The following SH3BGR variants were observed in gnomAD, a reference collection of about 807,000 sequenced individuals.
SH3BGR encodes the protein SH3 domain binding glutamate rich protein, also known as SH3 domain-binding glutamic acid-rich protein.
SH3BGR carries 29 observed loss-of-function variants against 24.5 expected under a neutral mutation model. The observed-to-expected ratio is 1.18, with a 90% CI of 0.88 to 1.61. The LOEUF (loss-of-function observed/expected upper bound fraction) is 1.61, where lower values mean the gene tolerates loss of function less well. Ranked by LOEUF, SH3BGR falls within the 40% of genes most tolerant of loss-of-function variation. The pLI is 0.00. For synonymous variants in SH3BGR, 55 were observed against 65.7 expected, an observed-to-expected ratio of 0.84 and a Z score of 0.79; for missense variants, 162 against 205.8, an observed-to-expected ratio of 0.79 and a Z score of 1.30.
intron 3 of SH3BGR, among the ~76,000 whole-genome samples, chr21:39,475,595 C>T (rs1276360116): frequency 6.6e-6 from 1 of 152,108 alleles, no homozygotes; most frequent in African/African-American, 2.4e-5. Context: ...GAGTTAATTT[C>T]ATAATGATAT....
At chr21:39,446,244 A>G (rs568217138) in intron 1 of SH3BGR, 2 of 152,198 alleles carry the variant, frequency 1.3e-5, no homozygotes, top group African/African-American at 2.4e-5. Context: ...AGAAATGTAC[A>G]GGCAAGTCCA....
chr21:39,478,385 G>A (rs977679001), intron 3 of SH3BGR, among the ~76,000 whole-genome samples: 20 of 152,152 alleles, frequency 1.3e-4, no homozygotes, highest in African/African-American at 4.8e-4. Flanking sequence ...CTGAGATCAC[G>A]TCTGATGCCA....
chr21:39,498,449 T>C (rs181178223), intron 3 of SH3BGR, among the ~76,000 whole-genome samples: 19 of 152,340 alleles, frequency 1.2e-4, no homozygotes, highest in African/African-American at 4.6e-4. Context: ...ATTTTCTGCC[T>C]TTATTTTCCT....
At chr21:39,475,260 A>G in intron 3 of SH3BGR, 45 bp downstream of exon 3, 2 of 1,174,276 alleles carry the variant, frequency 1.7e-6, no homozygotes, top group Non-Finnish European at 2.6e-6. Flanking sequence ...AGGTAATACT[A>G]AATGAAGGTA....
At chr21:39,487,620 A>G (rs570365073) in intron 3 of SH3BGR, among the ~76,000 whole-genome samples, 1 of 152,332 alleles carries the variant, frequency 6.6e-6, no homozygotes, top group East Asian at 1.9e-4. Context: ...AAATCCCTCT[A>G]TTAGAGTCAT....
chr21:39,487,712 A>G (rs2078233678), intron 3 of SH3BGR, among the ~76,000 whole-genome samples: 1 of 152,224 alleles, frequency 6.6e-6, no homozygotes, highest in Non-Finnish European at 1.5e-5. Context: ...ATATATCTGG[A>G]TCATGTAACT....
chr21:39,449,123 A>G (rs1343528920), upstream of SH3BGR, among the ~76,000 whole-genome samples: 3 of 152,342 alleles, frequency 2.0e-5, no homozygotes, highest in Admixed American at 1.3e-4. Flanking sequence ...CATGGAATGT[A>G]TGATACATAT....
chr21:39,482,938 G>A (rs1157647449), intron 3 of SH3BGR, among the ~76,000 whole-genome samples: 1 of 152,142 alleles, frequency 6.6e-6, no homozygotes, highest in African/African-American at 2.4e-5. Context: ...CCAAAGTGCT[G>A]GATTACAGGC....
chr21:39,476,227 C>A (rs1383390820), intron 3 of SH3BGR, among the ~76,000 whole-genome samples: 2 of 152,018 alleles, frequency 1.3e-5, no homozygotes, highest in African/African-American at 4.8e-5. Flanking sequence ...CGTGTGGCGT[C>A]ATGGAAGCCC....
chr21:39,506,932 G>A (rs1227161270), intron 4 of SH3BGR, among the ~76,000 whole-genome samples: 1 of 152,194 alleles, frequency 6.6e-6, no homozygotes, highest in East Asian at 1.9e-4. Flanking sequence ...CTCTTTAGGA[G>A]CTTCCTTCAG....
At chr21:39,480,917 T>G (rs2123418879) in intron 3 of SH3BGR, among the ~76,000 whole-genome samples, 1 of 152,322 alleles carries the variant, frequency 6.6e-6, no homozygotes, top group East Asian at 1.9e-4. Flanking sequence ...CCAGAATGAA[T>G]GTGGTATCTT....
At position 39,452,033 on chromosome 21, in the gene SH3BGR, T is replaced by A. The variant is rs148890225; in HGVS notation, c.-64T>A. The A allele has an allele frequency of 4.3e-6, 7 of 1,614,002 alleles. No individual in the cohort carries two copies. The African/African-American group carries it at 9.3e-5, about 22-fold the overall frequency. Reference sequence around the variant, plus strand: ...TTGCTTGCCTGTGTCACTGTCAGGATTTGTCTAGCGGCGCATTCCCTGACA... The same window carrying A: ...TTGCTTGCCTGTGTCACTGTCAGGAATTGTCTAGCGGCGCATTCCCTGACA... On this transcript the variant is annotated 5_prime_UTR_variant, in exon 1 of 7. Coordinates refer to ENST00000333634, the MANE Select transcript of SH3BGR (RefSeq NM_007341.3).
intron 5 of SH3BGR, among the ~76,000 whole-genome samples, chr21:39,510,909 CTATATATATATATATATATATATATA>C (rs61692072): frequency 2.4e-4 from 16 of 65,864 alleles, no homozygotes; most frequent in African/African-American, 3.7e-4. Flanking sequence ...ATTCTTCTAA[CTATATATATATATATATATATATATA>C]TATATATATA....
chr21:39,511,612 A>T lies in SH3BGR; in HGVS notation c.436-68A>T. 6.5e-7 allele frequency: 1 copy of T among 1,527,674 alleles called. No homozygotes were observed. Among genetic ancestry groups the T allele is most frequent in the Non-Finnish European group, 8.9e-7 (1 of 1,125,116 alleles). 94.6% of individuals were successfully genotyped at this position (1,527,674 alleles called of 1,614,324 possible). ...TTTGACCTCTAGTCCAGCATTTTAC[A>T]GTCTTTTTCTCACTGTATCCTTGGC... is the stretch of plus-strand genomic sequence containing the variant. On this transcript the variant is annotated intron_variant, in intron 5 of 6. Transcript: ENST00000333634. This position sits in a 1 kb window ranked among gnomAD's most constrained non-coding sequence, Gnocchi z 4.2.
rs543184662 is a variant in SH3BGR at position 39,505,909 on chromosome 21, A to G, written c.406-3089A>G. 1.4e-4 allele frequency among the ~76,000 whole-genome samples: 21 copies of G among 152,352 alleles called. 1 individual carries two copies. The East Asian group carries it at 4.0e-3, about 29-fold the overall frequency. On this transcript the variant is annotated intron_variant, in intron 4 of 6. Transcript: ENST00000333634. ...TGGTTAATTCATTTGTTTCAACTGA[A>G]TATAACTAATAAAAATAATTGGATT...
chr21:39,475,354 C>T, intron 3 of SH3BGR, 139 bp downstream of exon 3: 3 of 534,316 alleles, frequency 5.6e-6, no homozygotes, highest in South Asian at 3.4e-5. Flanking sequence ...CTGATGCAGT[C>T]CTATGCATAG....
chr21:39,477,994 T>G (rs2078056127), intron 3 of SH3BGR, among the ~76,000 whole-genome samples: 1 of 152,168 alleles, frequency 6.6e-6, no homozygotes, highest in African/African-American at 2.4e-5. Flanking sequence ...TTTTTTTTTG[T>G]GGTGAGAACA....
At chr21:39,451,871 C>G (rs748651074), upstream of SH3BGR, 3 of 1,603,286 alleles carry the variant, frequency 1.9e-6, no homozygotes, top group South Asian at 1.1e-5. Flanking sequence ...TGACAGATCC[C>G]AAAATATTCC....
intron 2 of SH3BGR, among the ~76,000 whole-genome samples, chr21:39,465,756 A>G (rs2077831418): frequency 6.6e-6 from 1 of 151,866 alleles, no homozygotes; most frequent in Non-Finnish European, 1.5e-5. Flanking sequence ...ACACCTCGCT[A>G]ATGTTTTTTA....
Sources: allele counts gnomAD v4.1 joint callset (sites outside exome capture counted in the v4.1 genomes callset), GRCh38; gene constraint gnomAD v4.1.1; non-coding constraint Gnocchi (gnomAD v3.1); transcripts MANE v1.5; gene names NCBI Gene and HGNC (gene_info 2026-07-23, HGNC 2026-07-21).